SLC20A2: variants seen among roughly 807,000 people sequenced by gnomAD.
SLC20A2 encodes the protein solute carrier family 20 member 2.
In SLC20A2, 30 loss-of-function variants were observed where a neutral mutation model predicts 61.0. That is an observed-to-expected ratio of 0.49 (90% CI 0.37 to 0.67). The LOEUF is 0.67. SLC20A2 is among the 30% of genes least tolerant of loss of function. The pLI is 0.00. For missense variants in SLC20A2, 626 were observed against 866.4 expected (o/e 0.72, Z 3.48); for synonymous variants, 351 against 353.3 (o/e 0.99, Z 0.07).
intron 1 of SLC20A2, among the ~76,000 whole-genome samples, chr8:42,526,956 T>A (rs1370570936): frequency 2.0e-5 from 3 of 151,348 alleles, no homozygotes; most frequent in Non-Finnish European, 4.4e-5. Context: ...AATAGAAAAA[T>A]TTGCCATGCA....
chr8:42,455,157 G>A (rs1324393386), intron 5 of SLC20A2, among the ~76,000 whole-genome samples: 1 of 148,462 alleles, frequency 6.7e-6, no homozygotes, highest in Non-Finnish European at 1.5e-5. Context: ...CCCAGGAGAT[G>A]GAGCTTGCAG....
At chr8:42,478,446 A>C (rs1808325032) in intron 1 of SLC20A2, among the ~76,000 whole-genome samples, 1 of 152,018 alleles carries the variant, frequency 6.6e-6, no homozygotes, top group South Asian at 2.1e-4. Flanking sequence ...TCCTGACCTC[A>C]AGTGATCCAC....
At chr8:42,434,155 C>T (rs998325009) in intron 8 of SLC20A2, among the ~76,000 whole-genome samples, 4 of 151,692 alleles carry the variant, frequency 2.6e-5, no homozygotes, top group Non-Finnish European at 4.4e-5. Context: ...GGTGTAATTT[C>T]GGCTCACTGC....
chr8:42,424,749 G>A (rs1274610646), intron 10 of SLC20A2, among the ~76,000 whole-genome samples: 3 of 152,136 alleles, frequency 2.0e-5, no homozygotes, highest in Admixed American at 2.0e-4. Flanking sequence ...CGACAAAATT[G>A]AAACTATGCA....
At chr8:42,493,959 T>C (rs763632978) in intron 1 of SLC20A2, among the ~76,000 whole-genome samples, 6 of 152,088 alleles carry the variant, frequency 3.9e-5, no homozygotes, top group African/African-American at 7.2e-5. Flanking sequence ...CTGGGTAACA[T>C]AGCGAGACCC....
intron 1 of SLC20A2, among the ~76,000 whole-genome samples, chr8:42,514,554 T>C (rs1290148549): frequency 6.6e-6 from 1 of 152,058 alleles, no homozygotes; most frequent in Non-Finnish European, 1.5e-5. Flanking sequence ...GGTCAGGAGT[T>C]AGAGACCAGC....
Position 42,463,058 on chromosome 8 carries a change from C to T in SLC20A2, c.463G>A (p.Gly155Ser), listed in dbSNP as rs549762632. ...ASWFISPLLSGFMSGLLFVLI... is the reference protein window; with the variant it reads ...ASWFISPLLSSFMSGLLFVLI... ...ACAAACAGCAGGCCAGACATGAAAC[C>T]AGACAACAGTGGAGATATAAACCAA... Residue 155 changes from glycine (G) to serine (S), a missense_variant, in exon 4 of 11, where the codon GGT becomes AGT. Physicochemically the swap from Gly to Ser is moderately conservative, Grantham distance 56. This residue lies in a region of SLC20A2 where 127 missense variants were observed against 215.4 expected (regional missense o/e 0.59). Transcript: ENST00000520262. The T allele has an allele frequency of 1.2e-6, 2 of 1,603,936 alleles. No individual in the cohort carries two copies. Among genetic ancestry groups the T allele is most frequent in the Non-Finnish European group, 1.7e-6 (2 of 1,175,638 alleles).
rs898058641 is a variant in SLC20A2 at position 42,521,213 on chromosome 8, G to A, written c.-265+20608C>T. Among the ~76,000 whole-genome samples the A allele has an allele frequency of 4.4e-4, 53 of 121,290 alleles. 5 individuals carry two copies. Among genetic ancestry groups the A allele is most frequent in the African/African-American group, 1.3e-3 (52 of 39,584 alleles). 79.6% of individuals were successfully genotyped at this position (121,290 alleles called of 152,430 possible). A position where few individuals can be genotyped will look rare whatever the true frequency, so the allele number is the denominator to read the frequency against. ...AAAATAACCCAAATGTCCTTCAATG[G>A]ACAAATGGCTAGGCTGTGGTATACC... On this transcript the variant is annotated intron_variant, in intron 1 of 10. Coordinates refer to the SLC20A2 transcript ENST00000342228.
intron 10 of SLC20A2, among the ~76,000 whole-genome samples, chr8:42,418,904 G>A (rs895715849): frequency 9.3e-5 from 14 of 151,174 alleles, no homozygotes; most frequent in Non-Finnish European, 1.8e-4. Context: ...AGGCTGAGGC[G>A]GGAGAATGGC....
At chr8:42,438,665 C>T (rs1011681888) in intron 7 of SLC20A2, among the ~76,000 whole-genome samples, 3 of 152,092 alleles carry the variant, frequency 2.0e-5, no homozygotes, top group African/African-American at 7.2e-5. Context: ...CCTGGCACTG[C>T]CCACAAACAT....
At chr8:42,419,539 A>T in intron 10 of SLC20A2, 3 of 173,332 alleles carry the variant, frequency 1.7e-5, no homozygotes, top group Non-Finnish European at 3.4e-5. Context: ...ACAGAATGAG[A>T]CTCAGTCTCA....
intron 10 of SLC20A2, among the ~76,000 whole-genome samples, chr8:42,425,072 T>C (rs1386134870): frequency 6.6e-6 from 1 of 152,060 alleles, no homozygotes; most frequent in Non-Finnish European, 1.5e-5. Context: ...AACAAATCTA[T>C]GCACTTAGCC....
chr8:42,492,500 A>G (rs1363524723), intron 1 of SLC20A2, among the ~76,000 whole-genome samples: 1 of 152,250 alleles, frequency 6.6e-6, no homozygotes, highest in Non-Finnish European at 1.5e-5. Context: ...AAGGAAGGCG[A>G]GCATAAAAAG....
At chr8:42,418,793 T>C (rs555109235) in intron 10 of SLC20A2, among the ~76,000 whole-genome samples, 3 of 151,470 alleles carry the variant, frequency 2.0e-5, no homozygotes, top group African/African-American at 7.2e-5. Flanking sequence ...GGTCAGGAGA[T>C]GGAGACCATC....
At chr8:42,489,210 A>G (rs1349244805) in intron 1 of SLC20A2, among the ~76,000 whole-genome samples, 1 of 152,146 alleles carries the variant, frequency 6.6e-6, no homozygotes, top group East Asian at 1.9e-4. Context: ...AAGTGCTGGG[A>G]TTACAGGCAT....
chr8:42,497,846 G>A (rs958853526), intron 1 of SLC20A2, among the ~76,000 whole-genome samples: 2 of 151,730 alleles, frequency 1.3e-5, no homozygotes, highest in Admixed American at 1.3e-4. Context: ...ACAGAACCAC[G>A]CAGGCCGCTC....
At chr8:42,528,220 G>C (rs1277890320) in intron 1 of SLC20A2, among the ~76,000 whole-genome samples, 1 of 152,130 alleles carries the variant, frequency 6.6e-6, no homozygotes, top group African/African-American at 2.4e-5. Flanking sequence ...CCAGAACTTT[G>C]GGAGGCCGAG....
chr8:42,436,867 C>G, intron 8 of SLC20A2, 122 bp downstream of exon 8: 1 of 870,530 alleles, frequency 1.1e-6, no homozygotes, highest in Non-Finnish European at 1.8e-6. Flanking sequence ...CGCCTGCGCA[C>G]CCCTATCCCT....
intron 1 of SLC20A2, chr8:42,484,716 T>C: frequency 2.6e-6 from 1 of 381,690 alleles, no homozygotes; most frequent in Non-Finnish European, 5.1e-6. Context: ...GTGTGGTCTA[T>C]GGCTGGCAGC....
Sources: allele counts gnomAD v4.1 joint callset (sites outside exome capture counted in the v4.1 genomes callset), GRCh38; gene constraint gnomAD v4.1.1; regional missense constraint gnomAD v4.1.1; transcripts MANE v1.5; gene names NCBI Gene and HGNC (gene_info 2026-07-23, HGNC 2026-07-21).